Variants in GRM5 observed in about 807,000 individuals in gnomAD.
GRM5 encodes metabotropic glutamate receptor 5.
A neutral mutation model predicts 83.1 loss-of-function variants in GRM5; 19 were observed. That is an observed-to-expected ratio of 0.23 (90% CI 0.16 to 0.34). The LOEUF (loss-of-function observed/expected upper bound fraction) is 0.34. Ranked by LOEUF, GRM5 falls within the 10% of genes least tolerant of loss-of-function variation. GRM5 has a pLI of 1.00. For missense variants in GRM5, 1,160 were observed against 1,588.3 expected, an observed-to-expected ratio of 0.73 and a Z score of 4.58; for synonymous variants, 675 against 633.6, an observed-to-expected ratio of 1.07 and a Z score of -0.98.
chr11:88,869,433 A>C (rs1048963553), intron 2 of GRM5, among the ~76,000 whole-genome samples: 8 of 151,620 alleles, frequency 5.3e-5, no homozygotes, highest in Non-Finnish European at 1.0e-4. Flanking sequence ...CAGCAATGCA[A>C]TGACTGTTCA....
chr11:88,666,263 G>A (rs922052992), intron 3 of GRM5, among the ~76,000 whole-genome samples: 1 of 152,130 alleles, frequency 6.6e-6, no homozygotes, highest in African/African-American at 2.4e-5. Context: ...AAGAAAACAG[G>A]TTTATTCTAT....
At chr11:88,545,860 T>G (rs551681515) in intron 8 of GRM5, among the ~76,000 whole-genome samples, 2 of 152,224 alleles carry the variant, frequency 1.3e-5, no homozygotes, top group East Asian at 3.9e-4. Flanking sequence ...CTTCCGAAGC[T>G]TCCTATCACA....
At chr11:88,831,628 C>T (rs1943996313) in intron 3 of GRM5, among the ~76,000 whole-genome samples, 1 of 152,192 alleles carries the variant, frequency 6.6e-6, no homozygotes, top group Admixed American at 6.5e-5. Context: ...CGCTCTGCCC[C>T]ATCCACCACC....
chr11:88,907,082 G>A (rs905687930), intron 2 of GRM5, among the ~76,000 whole-genome samples: 1 of 151,958 alleles, frequency 6.6e-6, no homozygotes, highest in African/African-American at 2.4e-5. Context: ...ATTTCTCGGT[G>A]TTCTATTTGC....
chr11:88,827,310 C>G (rs1338138143), intron 3 of GRM5, among the ~76,000 whole-genome samples: 1 of 152,182 alleles, frequency 6.6e-6, no homozygotes, highest in African/African-American at 2.4e-5. Flanking sequence ...CTCCCTTAAT[C>G]TTCCAGCACA....
intron 1 of GRM5, among the ~76,000 whole-genome samples, chr11:89,051,070 C>G (rs547700566): frequency 6.6e-6 from 1 of 152,020 alleles, no homozygotes; most frequent in Non-Finnish European, 1.5e-5. Flanking sequence ...TGTAACAAAC[C>G]TGCACATGTG....
At chr11:88,718,825 T>C (rs1053017497) in intron 3 of GRM5, among the ~76,000 whole-genome samples, 4 of 152,134 alleles carry the variant, frequency 2.6e-5, no homozygotes, top group African/African-American at 4.8e-5. Context: ...ATAGTATATA[T>C]TGGCTAACAA....
chr11:88,689,786 C>G (rs931205342), intron 3 of GRM5, among the ~76,000 whole-genome samples: 1 of 152,110 alleles, frequency 6.6e-6, no homozygotes, highest in African/African-American at 2.4e-5. Flanking sequence ...ACTGTTCTTG[C>G]CAAGAAGTCA....
At chr11:88,783,568 A>T (rs1943013653) in intron 3 of GRM5, among the ~76,000 whole-genome samples, 1 of 152,106 alleles carries the variant, frequency 6.6e-6, no homozygotes, top group African/African-American at 2.4e-5. Context: ...TTGTATAGTT[A>T]GGTCTATTAA....
chr11:88,685,581 G>A (rs1371831745), intron 3 of GRM5, among the ~76,000 whole-genome samples: 1 of 152,154 alleles, frequency 6.6e-6, no homozygotes, highest in Non-Finnish European at 1.5e-5. Flanking sequence ...GATCTTCATG[G>A]CAGGCCCTCC....
chr11:88,509,239 TG>T lies in GRM5; in HGVS notation c.2991del (p.Lys998ArgfsTer28). The T allele has an allele frequency of 6.7e-7, 1 of 1,501,100 alleles. No homozygotes were observed. Among genetic ancestry groups the T allele is most frequent in the East Asian group, 2.9e-5 (1 of 35,024 alleles). 93.0% of individuals were successfully genotyped at this position (1,501,100 alleles called of 1,614,324 possible). ...PGGPESPDAG[P>X]KALYDVAEAE... ...GCCTCGGCCACATCATACAGCGCCT[TG>T]GGGCCGGCGTCTGGGGACTCGGGCC... On this transcript the variant is annotated frameshift_variant, in exon 10 of 10. Coordinates refer to ENST00000305447, the MANE Select transcript of GRM5 (RefSeq NM_001143831.3). LOFTEE classifies it low-confidence loss of function (END_TRUNC).
chr11:88,982,615 T>C (rs557255165), intron 2 of GRM5, among the ~76,000 whole-genome samples: 1 of 152,298 alleles, frequency 6.6e-6, no homozygotes, highest in Admixed American at 6.5e-5. Flanking sequence ...GTACACACAA[T>C]TTATCTATTT....
intron 4 of GRM5, among the ~76,000 whole-genome samples, chr11:88,650,435 A>T (rs1300428371): frequency 4.6e-5 from 7 of 152,010 alleles, no homozygotes; most frequent in Admixed American, 4.6e-4. Context: ...TTCCAAAAAC[A>T]TGAAAAGGAG....
chr11:88,573,636 A>T (rs957999959), intron 7 of GRM5, among the ~76,000 whole-genome samples: 2 of 152,212 alleles, frequency 1.3e-5, no homozygotes, highest in African/African-American at 4.8e-5. Context: ...ATTATAAAAA[A>T]CTGATCTATT....
At chr11:88,965,228 G>T (rs1484565652) in intron 2 of GRM5, among the ~76,000 whole-genome samples, 1 of 152,142 alleles carries the variant, frequency 6.6e-6, no homozygotes, top group Non-Finnish European at 1.5e-5. Flanking sequence ...ATTTTTCACA[G>T]TTCTGGAGGC....
intron 1 of GRM5, among the ~76,000 whole-genome samples, chr11:89,063,269 T>C (rs961917611): frequency 3.3e-5 from 5 of 152,116 alleles, no homozygotes; most frequent in African/African-American, 1.2e-4. Context: ...TCTTCCCTCC[T>C]TCACCCCATT....
chr11:88,538,110 A>C lies in GRM5; in HGVS notation c.2631-12706T>G, dbSNP rs186034076. 2.6e-3 allele frequency among the ~76,000 whole-genome samples: 393 copies of C among 151,890 alleles called. 3 individuals are homozygous for C. The highest frequency in any genetic ancestry group is 9.0e-3 in the African/African-American group (373 of 41,522). The stretch of plus-strand genomic sequence containing the variant: ...GTTATAGAAAACAGAAAAAAAAAAA[A>C]ACCTCAACAAAAAAGAACAAACCAA... On this transcript the variant is annotated intron_variant, in intron 8 of 9. Transcript: ENST00000305447.
chr11:88,608,188 A>G (rs1032256290), intron 4 of GRM5, among the ~76,000 whole-genome samples: 4 of 152,208 alleles, frequency 2.6e-5, no homozygotes, highest in African/African-American at 9.6e-5. Context: ...TGTAAGTAAT[A>G]AACCCATTTC....
chr11:89,060,301 C>T (rs1941965778), intron 1 of GRM5, among the ~76,000 whole-genome samples: 1 of 151,672 alleles, frequency 6.6e-6, no homozygotes, highest in Non-Finnish European at 1.5e-5. Flanking sequence ...CACACACACA[C>T]ACACATATAT....
Sources: gnomAD v4.1 joint callset for allele counts (sites outside exome capture counted in the v4.1 genomes callset) on GRCh38, gnomAD v4.1.1 for gene constraint, MANE v1.5 for transcripts, NCBI Gene and HGNC (gene_info 2026-07-23, HGNC 2026-07-21) for gene names.